The following HECW1 variants were observed in gnomAD, a reference collection of about 807,000 sequenced individuals.
The protein encoded by HECW1 is E3 ubiquitin-protein ligase HECW1.
A neutral mutation model predicts 182.3 loss-of-function variants in HECW1; 61 were observed. The observed-to-expected ratio is 0.33, with a 90% CI of 0.27 to 0.41. The LOEUF is 0.41. Among genes scored for constraint, HECW1 ranks in the 10% least tolerant of loss-of-function variants. HECW1 has a pLI of 1.00. For synonymous variants in HECW1, 859 were observed against 832.6 expected (o/e 1.03, Z -0.55); for missense variants, 1,739 against 2,108.9 (o/e 0.82, Z 3.44).
chr7:43,551,849 T>C (rs1046813476), intron 27 of HECW1, among the ~76,000 whole-genome samples: 2 of 152,158 alleles, frequency 1.3e-5, no homozygotes, highest in Non-Finnish European at 2.9e-5. Flanking sequence ...ATTTGGTGTC[T>C]GGTAAGGGGC....
At chr7:43,128,499 C>T (rs1786530283) in intron 2 of HECW1, among the ~76,000 whole-genome samples, 1 of 152,174 alleles carries the variant, frequency 6.6e-6, no homozygotes, top group African/African-American at 2.4e-5. Context: ...AAAAAGATTC[C>T]ATTCAAAATA....
intron 2 of HECW1, among the ~76,000 whole-genome samples, chr7:43,189,047 G>T (rs377093798): frequency 6.6e-6 from 1 of 152,128 alleles, no homozygotes; most frequent in East Asian, 1.9e-4. Flanking sequence ...ACACTCGTTC[G>T]CTTCCTTTCT....
chr7:43,468,877 C>G lies in HECW1; in HGVS notation c.2914-43C>G, dbSNP rs371967068. The G allele has an allele frequency of 2.5e-6, 4 of 1,586,888 alleles. No homozygotes were observed. The African/African-American group carries it at 4.0e-5, about 16-fold the overall frequency. Reference sequence around the variant, plus strand: ...ATAGTGTGCTTGCTCTATGTTTTTCCTAATTCCCCACTCCTTACCCCGTCC... The same window carrying G: ...ATAGTGTGCTTGCTCTATGTTTTTCGTAATTCCCCACTCCTTACCCCGTCC... On this transcript the variant is annotated intron_variant, in intron 15 of 29. Coordinates refer to ENST00000395891, the MANE Select transcript of HECW1 (RefSeq NM_015052.5).
chr7:43,498,710 A>G (rs1189727697), intron 19 of HECW1, among the ~76,000 whole-genome samples: 1 of 152,122 alleles, frequency 6.6e-6, no homozygotes, highest in Non-Finnish European at 1.5e-5. Flanking sequence ...AACACCCCCC[A>G]GGTTCTGGTG....
chr7:43,395,245 G>A (rs2152837071), intron 6 of HECW1, among the ~76,000 whole-genome samples: 1 of 152,244 alleles, frequency 6.6e-6, no homozygotes, highest in African/African-American at 2.4e-5. Context: ...GATCTGCTTT[G>A]GGAAAGGGCT....
intron 2 of HECW1, among the ~76,000 whole-genome samples, chr7:43,167,997 C>T (rs764768950): frequency 6.6e-6 from 1 of 152,182 alleles, no homozygotes; most frequent in Non-Finnish European, 1.5e-5. Context: ...TCACCAACAC[C>T]ACACCACCAA....
intron 6 of HECW1, among the ~76,000 whole-genome samples, chr7:43,373,780 C>G (rs1010740116): frequency 3.9e-5 from 6 of 152,180 alleles, no homozygotes; most frequent in Admixed American, 6.5e-5. Context: ...CCCCACTAAA[C>G]ACCAGCTCCT....
chr7:43,361,815 CTTTTTTTT>C (rs397890047), intron 6 of HECW1, among the ~76,000 whole-genome samples: 2 of 77,980 alleles, frequency 2.6e-5, no homozygotes, highest in Admixed American at 1.7e-4. Context: ...AAGACTCTCT[CTTTTTTTT>C]TTTTTTTTTT....
chr7:43,514,301 C>CTT (rs59223768), intron 24 of HECW1, among the ~76,000 whole-genome samples: 2,315 of 140,460 alleles, frequency 0.016, 61 homozygotes, highest in African/African-American at 0.055. Context: ...CTTTTCTTTT[C>CTT]TTTTTTTTTT....
intron 2 of HECW1, among the ~76,000 whole-genome samples, chr7:43,125,401 C>T (rs892411313): frequency 6.6e-6 from 1 of 151,948 alleles, no homozygotes; most frequent in Non-Finnish European, 1.5e-5. Context: ...TGAAAAGTAG[C>T]GGGTAGAAGA....
intron 21 of HECW1, among the ~76,000 whole-genome samples, chr7:43,503,008 G>C (rs2152925354): frequency 6.6e-6 from 1 of 152,286 alleles, no homozygotes; most frequent in Non-Finnish European, 1.5e-5. Flanking sequence ...CTCCAGACTA[G>C]AGTATCTTTT....
At chr7:43,548,301 C>G (rs145364216) in intron 26 of HECW1, among the ~76,000 whole-genome samples, 2 of 151,600 alleles carry the variant, frequency 1.3e-5, no homozygotes, top group Non-Finnish European at 2.9e-5. Context: ...AGGTCATCTG[C>G]GAGTTTTTTC....
intron 6 of HECW1, among the ~76,000 whole-genome samples, chr7:43,392,322 G>C (rs2075061897): frequency 6.6e-6 from 1 of 152,120 alleles, no homozygotes. Context: ...CATCAGAATT[G>C]AGCATAATGT....
intron 4 of HECW1, among the ~76,000 whole-genome samples, chr7:43,317,434 G>A (rs1178110301): frequency 6.6e-6 from 1 of 152,268 alleles, no homozygotes; most frequent in East Asian, 1.9e-4. Context: ...TGGAGAGCCA[G>A]TTAGGCAGTT....
chr7:43,458,120 G>A (rs781448719), intron 13 of HECW1, among the ~76,000 whole-genome samples: 8 of 152,118 alleles, frequency 5.3e-5, no homozygotes, highest in Non-Finnish European at 1.0e-4. Flanking sequence ...AACAAGATTC[G>A]TGTAACTAAA....
At chr7:43,541,777 T>C (rs2081371740) in intron 25 of HECW1, 92 bp from the exon 26 acceptor site, 1 of 1,164,976 alleles carries the variant, frequency 8.6e-7, no homozygotes, top group African/African-American at 1.6e-5. Context: ...AAGTCTGTGA[T>C]GTTTTAGCCA....
intron 2 of HECW1, among the ~76,000 whole-genome samples, chr7:43,167,940 T>C (rs905385964): frequency 5.3e-5 from 8 of 152,108 alleles, no homozygotes; most frequent in African/African-American, 1.9e-4. Context: ...CAGACAACCA[T>C]ACTGTAAGCC....
At chr7:43,471,293 G>C (rs1415894687) in intron 16 of HECW1, among the ~76,000 whole-genome samples, 1 of 152,202 alleles carries the variant, frequency 6.6e-6, no homozygotes, top group Non-Finnish European at 1.5e-5. Flanking sequence ...TGCACAGGAG[G>C]CTGAGAGTTA....
intron 14 of HECW1, among the ~76,000 whole-genome samples, chr7:43,465,904 A>G (rs574926902): frequency 1.3e-5 from 2 of 150,964 alleles, no homozygotes; most frequent in Non-Finnish European, 3.0e-5. Context: ...AAGAAAGACA[A>G]AGAGAGAGAG....
Sources: allele counts gnomAD v4.1 joint callset (sites outside exome capture counted in the v4.1 genomes callset), GRCh38; gene constraint gnomAD v4.1.1; transcripts MANE v1.5; gene names NCBI Gene and HGNC (gene_info 2026-07-23, HGNC 2026-07-21).